NEK11: variants seen among roughly 807,000 people sequenced by gnomAD.
NEK11 encodes the protein serine/threonine-protein kinase Nek11.
A neutral mutation model predicts 80.7 loss-of-function variants in NEK11; 72 were observed. That is an observed-to-expected ratio of 0.89 (90% CI 0.74 to 1.08). NEK11 has a LOEUF of 1.08. NEK11 is among the 50% of genes least tolerant of loss of function. The probability of loss-of-function intolerance (pLI) is 0.00; values close to 1 mark genes in which losing one functional copy is unlikely to be tolerated. For missense variants in NEK11, 764 were observed against 763.6 expected, an observed-to-expected ratio of 1.00 and a Z score of -0.01; for synonymous variants, 251 against 260.7, an observed-to-expected ratio of 0.96 and a Z score of 0.36.
chr3:131,029,443 T>C (rs1441495019), intron 2 of NEK11, among the ~76,000 whole-genome samples, 170 bp from the exon 3 acceptor site: 1 of 152,248 alleles, frequency 6.6e-6, no homozygotes, highest in Non-Finnish European at 1.5e-5. Flanking sequence ...CTGTGAAAGA[T>C]TGCCTTCTGG....
At chr3:131,287,954 C>G (rs533236948) in intron 17 of NEK11, among the ~76,000 whole-genome samples, 1 of 152,320 alleles carries the variant, frequency 6.6e-6, no homozygotes, top group East Asian at 1.9e-4. Flanking sequence ...TAGAAACTAT[C>G]ATGAGTTCTT....
At chr3:131,062,196 A>G (rs2071011216) in intron 3 of NEK11, among the ~76,000 whole-genome samples, 1 of 152,254 alleles carries the variant, frequency 6.6e-6, no homozygotes, top group South Asian at 2.1e-4. Context: ...ACATGTGTGT[A>G]GCAGTATAAC....
chr3:131,251,365 T>A (rs1457451655), intron 16 of NEK11, among the ~76,000 whole-genome samples: 1 of 151,886 alleles, frequency 6.6e-6, no homozygotes, highest in Non-Finnish European at 1.5e-5. Context: ...TAAAAAGAGG[T>A]AAGTGTTGGA....
At position 131,173,750 on chromosome 3, in the gene NEK11, C is replaced by A. The variant is rs148671934; in HGVS notation, c.1399+2863C>A. Among the ~76,000 whole-genome samples the A allele has an allele frequency of 3.4e-3, 518 of 152,066 alleles. 2 individuals are homozygous for A. Among genetic ancestry groups the A allele is most frequent in the African/African-American group, 0.011 (476 of 41,480 alleles). On this transcript the variant is annotated intron_variant, in intron 14 of 17. Coordinates refer to ENST00000383366, the MANE Select transcript of NEK11 (RefSeq NM_024800.5). The stretch of plus-strand genomic sequence containing the variant: ...AAATTACTCCCAAGCTAGCCTTGAC[C>A]ACAGGTTCCAGCTACTATGGAAAAC...
chr3:131,176,790 G>A (rs916745653), intron 14 of NEK11, among the ~76,000 whole-genome samples: 6 of 152,044 alleles, frequency 3.9e-5, no homozygotes, highest in Non-Finnish European at 5.9e-5. Flanking sequence ...CAGCACCCAC[G>A]GACATCTCAA....
Position 131,080,558 on chromosome 3 carries a change from T to A in NEK11, c.306T>A (p.Asp102Glu), listed in dbSNP as rs548072338. 1.4e-4 allele frequency: 231 copies of A among 1,613,350 alleles called. 2 individuals are homozygous for A. In the South Asian group the frequency reaches 2.4e-3, roughly 17 times the overall value. The change falls in exon 4 of 18, where the codon GAT becomes GAA. Residue 102 changes from aspartate (D) to glutamate (E), a missense_variant. Asp to Glu is a conservative substitution (Grantham distance 45, BLOSUM62 2). Coordinates refer to ENST00000383366, the MANE Select transcript of NEK11 (RefSeq NM_024800.5). Reference sequence around the variant, plus strand: ...TCCATGCAAGTTTTGTGGAGCAAGATAATTTCTGCATTATCACGGAGTACT... The same window carrying A: ...TCCATGCAAGTTTTGTGGAGCAAGAAAATTTCTGCATTATCACGGAGTACT... ...VKFHASFVEQ[D>E]NFCIITEYCE...
At chr3:131,053,359 G>T (rs2068765602) in intron 3 of NEK11, 1 of 152,126 alleles carries the variant, frequency 6.6e-6, no homozygotes, top group Non-Finnish European at 1.5e-5. Flanking sequence ...CTAAACATAG[G>T]TATTTAACAA....
chr3:131,058,103 A>C (rs1235957143), intron 3 of NEK11, among the ~76,000 whole-genome samples: 2 of 152,086 alleles, frequency 1.3e-5, no homozygotes, highest in Non-Finnish European at 2.9e-5. Flanking sequence ...AGCTTTCTAC[A>C]TATGGCTAGC....
chr3:131,133,724 C>T, intron 6 of NEK11, 106 bp from the exon 7 acceptor site: 7 of 746,454 alleles, frequency 9.4e-6, no homozygotes, highest in East Asian at 2.5e-5. Context: ...TGCTATGAAC[C>T]ATTGCATAAT....
At chr3:131,212,197 T>C (rs1003216670) in intron 14 of NEK11, among the ~76,000 whole-genome samples, 2 of 152,220 alleles carry the variant, frequency 1.3e-5, no homozygotes, top group African/African-American at 2.4e-5. Context: ...TTTCTGTTTG[T>C]TAGTTTTCCT....
intron 4 of NEK11, among the ~76,000 whole-genome samples, chr3:131,087,451 C>T (rs2076144587): frequency 2.0e-5 from 3 of 151,956 alleles, no homozygotes; most frequent in African/African-American, 2.4e-5. Flanking sequence ...TCCATGTTGG[C>T]CAGGATGTTC....
chr3:131,173,892 A>T (rs747175195), intron 14 of NEK11, among the ~76,000 whole-genome samples: 2 of 152,170 alleles, frequency 1.3e-5, no homozygotes, highest in East Asian at 3.8e-4. Context: ...TTCTTTGACC[A>T]CTTTGTTCAT....
intron 4 of NEK11, among the ~76,000 whole-genome samples, chr3:131,081,393 A>C (rs1289724798): frequency 6.6e-6 from 1 of 152,122 alleles, no homozygotes; most frequent in Non-Finnish European, 1.5e-5. Context: ...AAGTATTTAC[A>C]GTTTTTCCAA....
At chr3:131,271,838 T>A (rs2096193798) in intron 16 of NEK11, among the ~76,000 whole-genome samples, 1 of 147,888 alleles carries the variant, frequency 6.8e-6, no homozygotes, top group African/African-American at 2.5e-5. Flanking sequence ...CGCCTGTAAT[T>A]CCAGCAGTTT....
At chr3:131,300,190 G>A (rs766916633) in intron 17 of NEK11, among the ~76,000 whole-genome samples, 4 of 152,172 alleles carry the variant, frequency 2.6e-5, no homozygotes, top group Non-Finnish European at 5.9e-5. Context: ...TTTAAGAAGT[G>A]TCTGTTCATA....
chr3:131,144,476 T>C (rs2087701195), intron 7 of NEK11, among the ~76,000 whole-genome samples: 1 of 151,624 alleles, frequency 6.6e-6, no homozygotes, highest in Admixed American at 6.6e-5. Context: ...AAGTGAAGAG[T>C]TTTAGATGAT....
rs139656210 is a variant in NEK11 at position 131,275,052 on chromosome 3, T to C, written c.1718+1478T>C. On this transcript the variant is annotated intron_variant, in intron 17 of 17. Coordinates refer to ENST00000383366, the MANE Select transcript of NEK11 (RefSeq NM_024800.5). ...CTCTGATGGCCAGTGATGATGAGCA[T>C]TTTTTCATGTGTTTTTTTGGCTGCA... is the stretch of plus-strand genomic sequence containing the variant. 2.0e-3 allele frequency among the ~76,000 whole-genome samples: 301 copies of C among 148,134 alleles called. 2 individuals are homozygous for C. The highest frequency in any genetic ancestry group is 2.4e-3 in the Non-Finnish European group (165 of 67,912).
At chr3:131,100,423 G>A (rs915896612) in intron 4 of NEK11, among the ~76,000 whole-genome samples, 4 of 152,030 alleles carry the variant, frequency 2.6e-5, no homozygotes, top group Non-Finnish European at 5.9e-5. Flanking sequence ...GTGAAATCCC[G>A]TCTCTACTAA....
chr3:131,038,859 G>A (rs2066031258), intron 3 of NEK11, among the ~76,000 whole-genome samples: 1 of 152,118 alleles, frequency 6.6e-6, no homozygotes. Context: ...TGTTCTGGTG[G>A]ATTTGTGAGT....
Sources: allele counts gnomAD v4.1 joint callset (sites outside exome capture counted in the v4.1 genomes callset), GRCh38; gene constraint gnomAD v4.1.1; transcripts MANE v1.5; gene names NCBI Gene and HGNC (gene_info 2026-07-23, HGNC 2026-07-21).